COL14A1: variants seen among roughly 807,000 people sequenced by gnomAD.
COL14A1 encodes the protein collagen type XIV alpha 1 chain, also known as collagen alpha-1(XIV) chain.
In COL14A1, 136 loss-of-function variants were observed where a neutral mutation model predicts 230.3. That is an observed-to-expected ratio of 0.59 (90% CI 0.51 to 0.68). The LOEUF (loss-of-function observed/expected upper bound fraction) is 0.68. Among genes scored for constraint, COL14A1 ranks in the 30% least tolerant of loss-of-function variants. COL14A1 has a pLI of 0.00. For synonymous variants in COL14A1, 792 were observed against 784.1 expected (o/e 1.01, Z -0.17); for missense variants, 1,976 against 2,215.8 (o/e 0.89, Z 2.17).
At chr8:120,242,150 A>G (rs1055012534) in intron 19 of COL14A1, among the ~76,000 whole-genome samples, 4 of 152,224 alleles carry the variant, frequency 2.6e-5, no homozygotes, top group African/African-American at 9.6e-5. Flanking sequence ...ATACCTCATT[A>G]TACATCTACA....
intron 2 of COL14A1, among the ~76,000 whole-genome samples, chr8:120,157,776 G>A (rs1815528270): frequency 6.6e-6 from 1 of 151,874 alleles, no homozygotes; most frequent in Non-Finnish European, 1.5e-5. Flanking sequence ...CTGAGGTCAG[G>A]AGTTCAAGAC....
intron 23 of COL14A1, among the ~76,000 whole-genome samples, chr8:120,262,021 G>A (rs1189172839): frequency 6.6e-6 from 1 of 152,074 alleles, no homozygotes; most frequent in Non-Finnish European, 1.5e-5. Context: ...CATGGACCAG[G>A]GCTTCTGAGA....
At chr8:120,144,988 A>G (rs923752640) in intron 1 of COL14A1, among the ~76,000 whole-genome samples, 1 of 152,216 alleles carries the variant, frequency 6.6e-6, no homozygotes, top group Non-Finnish European at 1.5e-5. Context: ...TTGTCAGGCA[A>G]AAAACAAACT....
At chr8:120,296,051 T>G (rs974430840) in intron 34 of COL14A1, among the ~76,000 whole-genome samples, 1 of 151,962 alleles carries the variant, frequency 6.6e-6, no homozygotes, top group Non-Finnish European at 1.5e-5. Context: ...AGTTTTGACA[T>G]TACTTTTGCA....
chr8:120,347,842 T>G (rs118163725), intron 45 of COL14A1, among the ~76,000 whole-genome samples: 1 of 152,156 alleles, frequency 6.6e-6, no homozygotes, highest in Non-Finnish European at 1.5e-5. Context: ...AAGGACACAA[T>G]ATTGTAATGA....
chr8:120,220,395 A>T (rs1052692766), intron 14 of COL14A1, among the ~76,000 whole-genome samples: 4 of 151,008 alleles, frequency 2.6e-5, no homozygotes, highest in East Asian at 2.0e-4. Context: ...TGCCTCAGCC[A>T]CCCGAGTAGC....
At chr8:120,205,204 G>A (rs888651899) in intron 9 of COL14A1, among the ~76,000 whole-genome samples, 24 of 152,214 alleles carry the variant, frequency 1.6e-4, no homozygotes, top group African/African-American at 5.8e-4. Context: ...CTTTGCTAGA[G>A]GGAGAAGATT....
Position 120,309,990 on chromosome 8 carries a change from C to G in COL14A1, c.4402-19C>G, listed in dbSNP as rs1404966658. 1 of 1,612,842 alleles carries G rather than the reference C, an allele frequency of 6.2e-7. No homozygotes were observed. The highest frequency in any genetic ancestry group is 1.3e-5 in the African/African-American group (1 of 74,882). The stretch of plus-strand genomic sequence containing the variant: ...TTTGAGATTTGTCTTTGAGCTAATA[C>G]TTAACATCTGTTTGCCAGGGTGGTC... On this transcript the variant is annotated intron_variant, in intron 36 of 47. Coordinates refer to ENST00000297848, the MANE Select transcript of COL14A1 (RefSeq NM_021110.4).
At chr8:120,320,544 C>T (rs577611569) in intron 40 of COL14A1, among the ~76,000 whole-genome samples, 8 of 152,276 alleles carry the variant, frequency 5.3e-5, no homozygotes, top group African/African-American at 1.4e-4. Flanking sequence ...CTTGAGTCAA[C>T]TATCTGGGTT....
At chr8:120,129,771 T>G (rs940718160) in intron 1 of COL14A1, among the ~76,000 whole-genome samples, 4 of 152,252 alleles carry the variant, frequency 2.6e-5, no homozygotes, top group African/African-American at 9.6e-5. Context: ...TCATTGACCC[T>G]AGGCGAAGTG....
At chr8:120,143,416 G>A (rs1390719838) in intron 1 of COL14A1, among the ~76,000 whole-genome samples, 1 of 151,992 alleles carries the variant, frequency 6.6e-6, no homozygotes, top group Admixed American at 6.6e-5. Flanking sequence ...CAGGAGTTTG[G>A]GACCAGCCTG....
chr8:120,281,442 G>A (rs1820035398), intron 31 of COL14A1, among the ~76,000 whole-genome samples: 4 of 151,832 alleles, frequency 2.6e-5, no homozygotes, highest in South Asian at 4.1e-4. Flanking sequence ...GTGTGCACCT[G>A]TAGTCCCAGC....
intron 24 of COL14A1, among the ~76,000 whole-genome samples, chr8:120,265,097 C>T (rs1435721964): frequency 1.3e-5 from 2 of 152,104 alleles, no homozygotes; most frequent in Admixed American, 1.3e-4. Context: ...CCCTCACATC[C>T]TTGAAGACAG....
chr8:120,149,484 ATCT>A (rs1815199717), intron 2 of COL14A1, among the ~76,000 whole-genome samples: 1 of 152,184 alleles, frequency 6.6e-6, no homozygotes, highest in Non-Finnish European at 1.5e-5. Context: ...TAGATCACTT[ATCT>A]TCTAAACTCC....
intron 34 of COL14A1, among the ~76,000 whole-genome samples, chr8:120,296,386 A>T (rs186281132): frequency 1.4e-4 from 22 of 152,126 alleles, no homozygotes; most frequent in African/African-American, 5.1e-4. Context: ...TACTGTCAGA[A>T]CAAGTTATTT....
chr8:120,283,923 T>C (rs139894030), intron 32 of COL14A1, 145 bp downstream of exon 32: 4 of 580,722 alleles, frequency 6.9e-6, no homozygotes, highest in Admixed American at 7.6e-5. Flanking sequence ...TATATAGCAG[T>C]TGGTTTATCC....
chr8:120,165,720 T>G (rs950295381), intron 4 of COL14A1, among the ~76,000 whole-genome samples: 4 of 152,204 alleles, frequency 2.6e-5, no homozygotes, highest in Non-Finnish European at 5.9e-5. Context: ...TATAGCTCTG[T>G]GTTTTAATTT....
In COL14A1 at chr8:120,226,710, G is replaced by A; in HGVS notation, c.1948G>A (p.Asp650Asn). Residue 650 changes from aspartate (D) to asparagine (N), a missense_variant, in exon 16 of 48, where the codon GAT becomes AAT. By Grantham distance (23) the Asp-to-Asn change is conservative. Transcript: ENST00000297848. Reference sequence around the variant, plus strand: ...GGTGACCTGGCATCCCCTCTCAGCTGATGAAGGGCTACACAAATTGATGTG... The same window carrying A: ...GGTGACCTGGCATCCCCTCTCAGCTAATGAAGGGCTACACAAATTGATGTG... ...FRVTWHPLSADEGLHKLMWIP... is the reference protein window; with the variant it reads ...FRVTWHPLSANEGLHKLMWIP... 2 of 1,613,864 alleles carry A rather than the reference G, an allele frequency of 1.2e-6. No individual in the cohort carries two copies. The highest frequency in any genetic ancestry group is 1.7e-6 in the Non-Finnish European group (2 of 1,179,838).
In COL14A1 at chr8:120,289,521, T is replaced by A. The variant is rs927788643; in HGVS notation, c.4078-87T>A. The A allele has an allele frequency of 5.7e-6, 7 of 1,222,642 alleles. No homozygotes were observed. In the Admixed American group the frequency reaches 6.7e-5, roughly 12 times the overall value. 75.7% of individuals were successfully genotyped at this position (1,222,642 alleles called of 1,614,324 possible). ...GAATTCTTTCTCTTCTCTTTCATAC[T>A]TTGTAATGATGAATCATACAATTAT... On this transcript the variant is annotated intron_variant, in intron 33 of 47. Coordinates refer to ENST00000297848, the MANE Select transcript of COL14A1 (RefSeq NM_021110.4).
Sources: allele counts gnomAD v4.1 joint callset (sites outside exome capture counted in the v4.1 genomes callset), GRCh38; gene constraint gnomAD v4.1.1; transcripts MANE v1.5; gene names NCBI Gene and HGNC (gene_info 2026-07-23, HGNC 2026-07-21).